Variants in PSD3 observed in about 807,000 individuals in gnomAD.
PSD3 encodes the protein pleckstrin and Sec7 domain containing 3.
PSD3 carries 49 observed loss-of-function variants against 105.5 expected under a neutral mutation model. The ratio of observed to expected loss-of-function variants is 0.46; its 90% CI spans 0.37 to 0.59. PSD3 has a LOEUF of 0.59. Ranked by LOEUF, PSD3 falls within the 20% of genes least tolerant of loss-of-function variation. The probability of loss-of-function intolerance (pLI) is 0.00; values close to 1 mark genes in which losing one functional copy is unlikely to be tolerated. For missense variants in PSD3, 1,561 were observed against 1,263.8 expected, an observed-to-expected ratio of 1.24 and a Z score of -3.57; for synonymous variants, 557 against 457.8, an observed-to-expected ratio of 1.22 and a Z score of -2.77.
chr8:18,601,861 G>C lies in PSD3; in HGVS notation c.2411-1427C>G, dbSNP rs10109586. Among the ~76,000 whole-genome samples, 1,388 of 152,264 alleles carry C rather than the reference G, an allele frequency of 9.1e-3. 24 individuals are homozygous for C. Among genetic ancestry groups the C allele is most frequent in the African/African-American group, 0.032 (1,317 of 41,544 alleles). Reference sequence around the variant, plus strand: ...ACACAGAAGAGACCAGGGCTGAGAGGGCTGCTGCAGAGCAGGGCCTCAGGT... The same window carrying C: ...ACACAGAAGAGACCAGGGCTGAGAGCGCTGCTGCAGAGCAGGGCCTCAGGT... On this transcript the variant is annotated intron_variant, in intron 11 of 15. Transcript: ENST00000327040.
At chr8:18,720,139 C>G (rs1802862384) in intron 9 of PSD3, among the ~76,000 whole-genome samples, 1 of 152,048 alleles carries the variant, frequency 6.6e-6, no homozygotes, top group Non-Finnish European at 1.5e-5. Context: ...TAGAGAAAAT[C>G]TGCAGATATT....
chr8:18,621,917 T>C (rs937382391), intron 11 of PSD3, among the ~76,000 whole-genome samples: 3 of 152,256 alleles, frequency 2.0e-5, no homozygotes, highest in Non-Finnish European at 4.4e-5. Context: ...CTGCCTGCAT[T>C]ACCATTATAA....
At chr8:18,537,448 CCAGT>C (rs1238189911) in intron 15 of PSD3, among the ~76,000 whole-genome samples, 4 of 152,092 alleles carry the variant, frequency 2.6e-5, no homozygotes, top group Non-Finnish European at 4.4e-5. Context: ...TGTTGTTTGG[CCAGT>C]CAAAGGCCAT....
intron 9 of PSD3, among the ~76,000 whole-genome samples, chr8:18,663,629 A>G (rs186192353): frequency 2.6e-5 from 4 of 152,320 alleles, no homozygotes; most frequent in African/African-American, 9.6e-5. Context: ...ATTACCTTCT[A>G]TTGAACTGGC....
At chr8:18,566,399 G>A (rs573066564) in intron 14 of PSD3, among the ~76,000 whole-genome samples, 22 of 151,832 alleles carry the variant, frequency 1.4e-4, no homozygotes, top group Non-Finnish European at 1.6e-4. Context: ...GGTGGCGGGC[G>A]CCTGTAATCC....
At chr8:18,905,377 G>A (rs1471644395) in intron 2 of PSD3, among the ~76,000 whole-genome samples, 1 of 152,180 alleles carries the variant, frequency 6.6e-6, no homozygotes, top group Non-Finnish European at 1.5e-5. Flanking sequence ...AGGCTGGAGT[G>A]CAGTGGCGCG....
intron 1 of PSD3, among the ~76,000 whole-genome samples, chr8:18,998,438 A>G (rs540242403): frequency 6.6e-6 from 1 of 152,070 alleles, no homozygotes; most frequent in East Asian, 1.9e-4. Context: ...CTGTAATCCC[A>G]GCACTTTGGG....
Position 18,532,210 on chromosome 8 carries a change from T to C in PSD3, c.*3533A>G, listed in dbSNP as rs1261064612. 2.0e-5 allele frequency: 3 copies of C among 152,238 alleles called. No individual in the cohort carries two copies. Among genetic ancestry groups the C allele is most frequent in the Non-Finnish European group, 2.9e-5 (2 of 68,056 alleles). The allele number at this position is 152,238 out of a possible 1,614,324, so 9.4% of individuals were successfully genotyped here. A position where few individuals can be genotyped will look rare whatever the true frequency, so the allele number is the denominator to read the frequency against. ...AGAGGGAGCAATAGGCAAAGGACAG[T>C]AGAAAAGCTCAGTGTAACTTTGTGT... On this transcript the variant is annotated 3_prime_UTR_variant, in exon 16 of 16. Coordinates refer to ENST00000327040, the MANE Select transcript of PSD3 (RefSeq NM_015310.4).
Position 18,946,859 on chromosome 8 carries a change from T to C in PSD3, c.22-10717A>G, listed in dbSNP as rs567348579. ...GACGAAGGTTGCAGTGAGCTGAGAT[T>C]GTGCCACTGCACTCCAGCCTGCGCA... On this transcript the variant is annotated intron_variant, in intron 1 of 15. Transcript: ENST00000327040. Among the ~76,000 whole-genome samples, 5 of 151,428 alleles carry C rather than the reference T, an allele frequency of 3.3e-5. No individual in the cohort carries two copies. In the East Asian group the frequency reaches 7.7e-4, roughly 23 times the overall value.
Position 18,556,297 on chromosome 8 carries a change from G to A in PSD3, c.2840C>T (p.Ala947Val). ...GTCGGGGGGATATGAGCGGTGCTCGGCCAGCTCGGTGGTGATCTGCTTCAG... is the reference window on the plus strand; with the variant it reads ...GTCGGGGGGATATGAGCGGTGCTCGACCAGCTCGGTGGTGATCTGCTTCAG... ...SKLKQITTEL[A>V]EHRSYPPDKK... Residue 947 changes from alanine to valine, a missense_variant, in exon 15 of 16, where the codon GCC becomes GTC. By Grantham distance (64) the Ala-to-Val change is moderately conservative. Transcript: ENST00000327040. 1 of 1,613,878 alleles carries A rather than the reference G, an allele frequency of 6.2e-7. No homozygotes were observed. The highest frequency in any genetic ancestry group is 8.5e-7 in the Non-Finnish European group (1 of 1,179,928).
At chr8:18,996,669 A>G (rs1052331358) in intron 1 of PSD3, among the ~76,000 whole-genome samples, 1 of 151,800 alleles carries the variant, frequency 6.6e-6, no homozygotes, top group African/African-American at 2.4e-5. Context: ...TACTTCCTGC[A>G]TTTTTAAAAC....
At chr8:18,675,699 T>C (rs748006000) in intron 9 of PSD3, among the ~76,000 whole-genome samples, 10 of 152,118 alleles carry the variant, frequency 6.6e-5, no homozygotes, top group South Asian at 2.1e-4. Context: ...GTACAGTGGA[T>C]TTTAAAAAAA....
At chr8:19,025,726 G>A (rs962509016) in intron 1 of PSD3, among the ~76,000 whole-genome samples, 2 of 152,304 alleles carry the variant, frequency 1.3e-5, no homozygotes, top group South Asian at 4.1e-4. Flanking sequence ...CGGGTATGAC[G>A]CAAATTCCAG....
intron 9 of PSD3, among the ~76,000 whole-genome samples, chr8:18,682,762 T>A (rs1800457686): frequency 6.6e-6 from 1 of 152,104 alleles, no homozygotes; most frequent in African/African-American, 2.4e-5. Flanking sequence ...TTCAATAATG[T>A]TATGTCACAC....
At chr8:18,960,548 G>A (rs1246829714) in intron 1 of PSD3, among the ~76,000 whole-genome samples, 1 of 152,130 alleles carries the variant, frequency 6.6e-6, no homozygotes, top group Non-Finnish European at 1.5e-5. Flanking sequence ...ATGTACTAAG[G>A]GTCACAATAG....
At chr8:18,782,097 T>C (rs868633168) in intron 8 of PSD3, among the ~76,000 whole-genome samples, 1 of 152,142 alleles carries the variant, frequency 6.6e-6, no homozygotes, top group African/African-American at 2.4e-5. Context: ...TTCTTTGCAT[T>C]GTTCATCTGT....
intron 1 of PSD3, among the ~76,000 whole-genome samples, chr8:19,011,510 T>C (rs1232947288): frequency 5.9e-5 from 9 of 152,228 alleles, no homozygotes; most frequent in Admixed American, 5.9e-4. Flanking sequence ...TAAATTTTTC[T>C]TTTTCAATGA....
At chr8:19,011,332 T>C (rs1251790550) in intron 1 of PSD3, among the ~76,000 whole-genome samples, 1 of 152,206 alleles carries the variant, frequency 6.6e-6, no homozygotes, top group Non-Finnish European at 1.5e-5. Flanking sequence ...CCTGAATTTC[T>C]ATAAAAGAAA....
chr8:18,977,963 A>T (rs892527812), intron 1 of PSD3, among the ~76,000 whole-genome samples: 1 of 152,208 alleles, frequency 6.6e-6, no homozygotes, highest in African/African-American at 2.4e-5. Context: ...TTTTGAGCAA[A>T]AACAAGTGAA....
Sources: gnomAD v4.1 joint callset for allele counts (sites outside exome capture counted in the v4.1 genomes callset) on GRCh38, gnomAD v4.1.1 for gene constraint, MANE v1.5 for transcripts, NCBI Gene and HGNC (gene_info 2026-07-23, HGNC 2026-07-21) for gene names.